Variants in SV2B observed in about 807,000 individuals in gnomAD.
SV2B encodes the protein synaptic vesicle glycoprotein 2B, also known as solute carrier family 22 member B2.
Under a neutral mutation model 73.9 loss-of-function variants are expected in SV2B, and 41 were observed. That is an observed-to-expected ratio of 0.56 (90% CI 0.43 to 0.72). The LOEUF (loss-of-function observed/expected upper bound fraction) is 0.72, where lower values mean the gene tolerates loss of function less well. Among genes scored for constraint, SV2B ranks in the 30% least tolerant of loss-of-function variants. The pLI, the probability that SV2B is intolerant of heterozygous loss-of-function variation, is 0.00. For synonymous variants in SV2B, 314 were observed against 314.2 expected, an observed-to-expected ratio of 1.00 and a Z score of 0.01; for missense variants, 764 against 857.8, an observed-to-expected ratio of 0.89 and a Z score of 1.37.
intron 1 of SV2B, among the ~76,000 whole-genome samples, chr15:91,203,060 C>T (rs1381209485): frequency 6.6e-6 from 1 of 152,170 alleles, no homozygotes; most frequent in African/African-American, 2.4e-5. Flanking sequence ...AGTCTTATTA[C>T]TGCATTATTT....
chr15:91,271,064 G>A (rs118104094), intron 9 of SV2B, among the ~76,000 whole-genome samples: 2,569 of 146,134 alleles, frequency 0.018, 208 homozygotes, highest in East Asian at 0.069. Flanking sequence ...ATGGGCAGAC[G>A]GTAAGTCCTG....
chr15:91,099,623 G>A (rs1350967899), upstream of SV2B, among the ~76,000 whole-genome samples: 4 of 152,226 alleles, frequency 2.6e-5, no homozygotes, highest in African/African-American at 9.6e-5. Context: ...GAAGGAGGGA[G>A]ACAGAGGTGG....
intron 1 of SV2B, among the ~76,000 whole-genome samples, chr15:91,127,696 G>C (rs2042526393): frequency 1.3e-5 from 2 of 152,134 alleles, no homozygotes; most frequent in African/African-American, 4.8e-5. Context: ...AGTTGCAGGG[G>C]GAAGTGTGGT....
Position 91,267,634 on chromosome 15 carries a change from T to C in SV2B, c.1199T>C (p.Met400Thr), listed in dbSNP as rs2141686069. The change falls in exon 8 of 13, where the codon ATG (methionine) becomes ACG (threonine). Residue 400 changes from methionine to threonine, a missense_variant. Coordinates refer to ENST00000394232, the MANE Select transcript of SV2B (RefSeq NM_001323032.3). The surrounding 1 kb of genome is among the most constrained non-coding windows in gnomAD (Gnocchi z 4.3). ...TLILAVVWFA[M>T]AFSYYGLTVW... ...ATTCTGGCCGTGGTTTGGTTTGCCA[T>C]GGCATTCAGGTAAGTTCTGTCTTAC... The C allele has an allele frequency of 2.5e-6, 4 of 1,612,022 alleles. 1 individual carries two copies. The South Asian group carries it at 4.4e-5, about 18-fold the overall frequency.
chr15:91,195,354 A>G (rs546228517), intron 1 of SV2B, among the ~76,000 whole-genome samples: 8 of 152,250 alleles, frequency 5.3e-5, no homozygotes, highest in Non-Finnish European at 1.0e-4. Flanking sequence ...GAGACAAGGT[A>G]TCACTGTGTT....
rs568661794 is a variant in SV2B at position 91,104,794 on chromosome 15, G to A, written c.-392+4431G>A. Among the ~76,000 whole-genome samples the A allele has an allele frequency of 7.2e-5, 11 of 152,208 alleles. No individual in the cohort carries two copies. In the South Asian group the frequency reaches 1.7e-3, roughly 23 times the overall value. On this transcript the variant is annotated intron_variant, in intron 1 of 12. Transcript: ENST00000394232. ...ACTACAGGCGTGCACCACCATGCCCGGCTAATTTTGTATTTTTAGTAGAGA... is the reference window on the plus strand; with the variant it reads ...ACTACAGGCGTGCACCACCATGCCCAGCTAATTTTGTATTTTTAGTAGAGA...
At chr15:91,113,188 C>A (rs2042084176) in intron 1 of SV2B, among the ~76,000 whole-genome samples, 1 of 152,132 alleles carries the variant, frequency 6.6e-6, no homozygotes, top group South Asian at 2.1e-4. Context: ...GACCAGCTGG[C>A]TTCATTTCCT....
rs16945236 is a variant in SV2B, at chr15:91,121,097, G to T, written c.-392+20734G>T. Among the ~76,000 whole-genome samples, 13,063 of 151,790 alleles carry T rather than the reference G, an allele frequency of 0.086. 742 individuals are homozygous for T. The highest frequency in any genetic ancestry group is 0.16 in the African/African-American group (6,545 of 41,346). On this transcript the variant is annotated intron_variant, in intron 1 of 12. Coordinates refer to ENST00000394232, the MANE Select transcript of SV2B (RefSeq NM_001323032.3). The surrounding 1 kb of genome is among the most constrained non-coding windows in gnomAD (Gnocchi z 4.4). The stretch of plus-strand genomic sequence containing the variant: ...TGGCAGAGAACTAGTCTTTTAACAC[G>T]CTAATTTTTGGTCTTATGTTAGTAA...
chr15:91,178,338 T>G (rs1161861234), intron 1 of SV2B, among the ~76,000 whole-genome samples: 2 of 149,850 alleles, frequency 1.3e-5, no homozygotes, highest in Non-Finnish European at 3.0e-5. Context: ...ATCAAGGATA[T>G]TGGTCTAAAA....
rs1341718069 is a variant in SV2B, at chr15:91,209,124, T to TG, written c.-391-16749_-391-16748insG. 3.9e-3 allele frequency among the ~76,000 whole-genome samples: 532 copies of TG among 137,474 alleles called. 6 individuals are homozygous for TG. The highest frequency in any genetic ancestry group is 6.8e-3 in the South Asian group (29 of 4,236). The allele number at this position is 137,474 out of a possible 152,430, so 90.2% of individuals were successfully genotyped here. A position where few individuals can be genotyped will look rare whatever the true frequency, so the allele number is the denominator to read the frequency against. On this transcript the variant is annotated intron_variant, in intron 1 of 12. Transcript: ENST00000394232. ...GCAGTACTGTTTTTTGTTTTTTTTTTTTTTTTTTTTTTTTTGAGACAGAGT... is the reference window on the plus strand; with the variant it reads ...GCAGTACTGTTTTTTGTTTTTTTTTTGTTTTTTTTTTTTTTTGAGACAGAGT...
At chr15:91,278,595 C>G (rs540971659) in intron 9 of SV2B, among the ~76,000 whole-genome samples, 1 of 129,282 alleles carries the variant, frequency 7.7e-6, no homozygotes, top group African/African-American at 3.4e-5. Context: ...AGGAGAATGG[C>G]GTGAACCCGG....
rs146802963 is a variant in SV2B, at chr15:91,175,727, G to A, written c.-391-50146G>A. Reference sequence around the variant, plus strand: ...CATATATATATATATATACATATATGTGACTATCTATTATAGATCTAATCT... The same window carrying A: ...CATATATATATATATATACATATATATGACTATCTATTATAGATCTAATCT... On this transcript the variant is annotated intron_variant, in intron 1 of 12. Transcript: ENST00000394232. Among the ~76,000 whole-genome samples, 1,457 of 151,426 alleles carry A rather than the reference G, an allele frequency of 9.6e-3. 28 individuals carry two copies. Among genetic ancestry groups the A allele is most frequent in the African/African-American group, 0.034 (1,390 of 41,364 alleles).
At position 91,123,811 on chromosome 15, in the gene SV2B, ACAGG is replaced by A. The variant is rs2042403749; in HGVS notation, c.-392+23453_-392+23456del. ...AGGAGCAAGGAGAGACTAATTGGGA[ACAGG>A]CAGGATTTGACAGTTTGGAAAAATC... On this transcript the variant is annotated intron_variant, in intron 1 of 12. Coordinates refer to ENST00000394232, the MANE Select transcript of SV2B (RefSeq NM_001323032.3). The surrounding 1 kb of genome is among the most constrained non-coding windows in gnomAD (Gnocchi z 4.7). Among the ~76,000 whole-genome samples, 1 of 152,168 alleles carries A rather than the reference ACAGG, an allele frequency of 6.6e-6. No homozygotes were observed. The highest frequency in any genetic ancestry group is 1.5e-5 in the Non-Finnish European group (1 of 68,020).
At chr15:91,172,278 T>C (rs1243782765) in intron 1 of SV2B, among the ~76,000 whole-genome samples, 1 of 152,148 alleles carries the variant, frequency 6.6e-6, no homozygotes, top group African/African-American at 2.4e-5. Context: ...AGCTGAAACA[T>C]TTACATGTGC....
Position 91,140,325 on chromosome 15 carries a change from T to A in SV2B, c.-392+39962T>A, listed in dbSNP as rs542646628. Among the ~76,000 whole-genome samples the A allele has an allele frequency of 6.6e-6, 1 of 152,370 alleles. No homozygotes were observed. Among genetic ancestry groups the A allele is most frequent in the African/African-American group, 2.4e-5 (1 of 41,590 alleles). ...AATAAAGTCTAATAAAAGTCATTCA[T>A]CAATTATCCATTAAGAAGGATTTTA... On this transcript the variant is annotated intron_variant, in intron 1 of 12. Coordinates refer to ENST00000394232, the MANE Select transcript of SV2B (RefSeq NM_001323032.3). This position sits in a 1 kb window ranked among gnomAD's most constrained non-coding sequence, Gnocchi z 4.4.
In SV2B at chr15:91,295,433, G is replaced by A. The variant is rs1020303147; in HGVS notation, c.*2881G>A. The stretch of plus-strand genomic sequence containing the variant: ...AAGAAAACCTTAAGGACTGGGGTTA[G>A]AGATTATTTTCAGGCACTAAGGTCT... On this transcript the variant is annotated 3_prime_UTR_variant, in exon 13 of 13. Transcript: ENST00000394232. The A allele has an allele frequency of 6.6e-6, 1 of 152,234 alleles. No individual in the cohort carries two copies. Among genetic ancestry groups the A allele is most frequent in the Non-Finnish European group, 1.5e-5 (1 of 68,046 alleles). 9.4% of individuals were successfully genotyped at this position (152,234 alleles called of 1,614,324 possible). A position where few individuals can be genotyped will look rare whatever the true frequency, so the allele number is the denominator to read the frequency against.
chr15:91,166,119 C>A (rs2043903435), intron 1 of SV2B, among the ~76,000 whole-genome samples: 1 of 152,138 alleles, frequency 6.6e-6, no homozygotes, highest in Non-Finnish European at 1.5e-5. Context: ...TTTTTAACTT[C>A]AGCATTATTG....
chr15:91,226,677 G>A lies in SV2B; in HGVS notation c.414G>A (p.Lys138=). Reference sequence around the variant, plus strand: ...GTTTTGCCCTGCCCAGTGCAGAGAAGGACATGTGTCTGTCCAGTTCCAAAA... The same window carrying A: ...GTTTTGCCCTGCCCAGTGCAGAGAAAGACATGTGTCTGTCCAGTTCCAAAA... The part of the protein sequence containing the change: ...VVSFALPSAE[K]DMCLSSSKKG... The change falls in exon 2 of 13, where the codon AAG becomes AAA. Residue 138 remains lysine (K), a synonymous_variant. Coordinates refer to ENST00000394232, the MANE Select transcript of SV2B (RefSeq NM_001323032.3). 1 of 1,612,812 alleles carries A rather than the reference G, an allele frequency of 6.2e-7. No individual in the cohort carries two copies.
intron 2 of SV2B, among the ~76,000 whole-genome samples, chr15:91,248,556 A>T (rs1407703095): frequency 2.0e-5 from 3 of 152,228 alleles, no homozygotes; most frequent in Non-Finnish European, 2.9e-5. Context: ...ACCCTCAGAA[A>T]GTGAGAGGTT....
Sources: gnomAD v4.1 joint callset for allele counts (sites outside exome capture counted in the v4.1 genomes callset) on GRCh38, gnomAD v4.1.1 for gene constraint, Gnocchi (gnomAD v3.1) non-coding constraint, MANE v1.5 for transcripts, NCBI Gene and HGNC (gene_info 2026-07-23, HGNC 2026-07-21) for gene names.